The following RYR2 variants were observed in gnomAD, a reference collection of about 807,000 sequenced individuals.
The protein encoded by RYR2 is ryanodine receptor 2, also known as cardiac muscle ryanodine receptor-calcium release channel.
In RYR2, 227 loss-of-function variants were observed where a neutral mutation model predicts 601.1. The observed-to-expected ratio is 0.38, with a 90% CI of 0.34 to 0.42. RYR2 has a LOEUF of 0.42. RYR2 is among the 10% of genes least tolerant of loss of function. RYR2 has a pLI of 1.00. For missense variants in RYR2, 4,646 were observed against 6,156.5 expected (o/e 0.75, Z 8.21); for synonymous variants, 2,223 against 2,175.1 (o/e 1.02, Z -0.61).
intron 1 of RYR2, among the ~76,000 whole-genome samples, chr1:237,221,335 C>A (rs1283097121): frequency 6.6e-6 from 1 of 152,150 alleles, no homozygotes; most frequent in African/African-American, 2.4e-5. Flanking sequence ...AGACATCAAG[C>A]TGTTTAAAGG....
chr1:237,542,449 T>G (rs139846789), intron 25 of RYR2, among the ~76,000 whole-genome samples: 1 of 152,320 alleles, frequency 6.6e-6, no homozygotes, highest in East Asian at 1.9e-4. Context: ...CCCCTCTTAT[T>G]ACCAGGGCTG....
chr1:237,548,957 C>T lies in RYR2; in HGVS notation c.3066+367C>T, dbSNP rs1390785013. Reference sequence around the variant, plus strand: ...CCCTTATTCACAACCCCTGGGGCCACATAAATTTCAGAATTCAGTCTTTTT... The same window carrying T: ...CCCTTATTCACAACCCCTGGGGCCATATAAATTTCAGAATTCAGTCTTTTT... On this transcript the variant is annotated intron_variant, in intron 26 of 104. Coordinates refer to ENST00000366574, the MANE Select transcript of RYR2 (RefSeq NM_001035.3). Among the ~76,000 whole-genome samples the T allele has an allele frequency of 2.6e-5, 4 of 152,164 alleles. No homozygotes were observed. In the East Asian group the frequency reaches 7.7e-4, roughly 29 times the overall value.
chr1:237,341,905 G>A (rs952133606), intron 3 of RYR2, among the ~76,000 whole-genome samples: 2 of 152,162 alleles, frequency 1.3e-5, no homozygotes, highest in Non-Finnish European at 2.9e-5. Context: ...GCCTGACACA[G>A]TCCAGGTTAA....
intron 92 of RYR2, among the ~76,000 whole-genome samples, chr1:237,790,178 G>C (rs893035321): frequency 5.9e-5 from 9 of 152,060 alleles, no homozygotes; most frequent in African/African-American, 2.2e-4. Flanking sequence ...CACTTCTCTA[G>C]GCTTTATTTT....
At position 237,638,376 on chromosome 1, in the gene RYR2, G is replaced by T; in HGVS notation, c.6812G>T (p.Gly2271Val). The change falls in exon 45 of 105, where the codon GGT (glycine) becomes GTT (valine). Residue 2271 changes from glycine to valine, a missense_variant. Gly to Val is a moderately radical substitution (Grantham distance 109). Transcript: ENST00000366574. ...TTGCAGGTAGTTCGTTATTTGGCTG[G>T]TTGTGGACTGCAAAGTTGCCAGATG... is the stretch of plus-strand genomic sequence containing the variant. ...DLEKVVRYLAGCGLQSCQMLV... is the reference protein window; with the variant it reads ...DLEKVVRYLAVCGLQSCQMLV... 6.2e-7 allele frequency: 1 copy of T among 1,613,928 alleles called. No individual in the cohort carries two copies. The highest frequency in any genetic ancestry group is 1.1e-5 in the South Asian group (1 of 91,082).
At chr1:237,108,245 G>A (rs1187865113) in intron 1 of RYR2, among the ~76,000 whole-genome samples, 1 of 152,176 alleles carries the variant, frequency 6.6e-6, no homozygotes, top group Non-Finnish European at 1.5e-5. Context: ...GGGAATCTGG[G>A]TTGTGAGGCT....
intron 10 of RYR2, among the ~76,000 whole-genome samples, chr1:237,400,062 A>ACACT: frequency 6.6e-6 from 1 of 152,026 alleles, no homozygotes; most frequent in East Asian, 1.9e-4. Flanking sequence ...ACACACACAC[A>ACACT]AATGAATACA....
intron 1 of RYR2, among the ~76,000 whole-genome samples, chr1:237,050,783 G>T (rs1465109110): frequency 6.6e-6 from 1 of 152,220 alleles, no homozygotes; most frequent in African/African-American, 2.4e-5. Flanking sequence ...TTGGGATATT[G>T]TTAAAATGAA....
At chr1:237,203,120 GA>G (rs1439769540) in intron 1 of RYR2, among the ~76,000 whole-genome samples, 2 of 152,006 alleles carry the variant, frequency 1.3e-5, no homozygotes, top group Non-Finnish European at 2.9e-5. Flanking sequence ...AAGATTTCCA[GA>G]AGCTGTTGTG....
At chr1:237,193,661 G>A (rs1420905467) in intron 1 of RYR2, among the ~76,000 whole-genome samples, 1 of 152,154 alleles carries the variant, frequency 6.6e-6, no homozygotes, top group Non-Finnish European at 1.5e-5. Flanking sequence ...TTAAATTGCA[G>A]ATGTATTTGG....
chr1:237,233,792 T>C (rs1427119659), intron 1 of RYR2, among the ~76,000 whole-genome samples: 1 of 152,100 alleles, frequency 6.6e-6, no homozygotes, highest in Non-Finnish European at 1.5e-5. Flanking sequence ...GTAGCTGGGA[T>C]TACAGGCATG....
chr1:237,118,382 C>T (rs751712445), intron 1 of RYR2, among the ~76,000 whole-genome samples: 9 of 151,444 alleles, frequency 5.9e-5, no homozygotes, highest in South Asian at 4.2e-4. Context: ...AAGCAACTGC[C>T]GTTTTCATCA....
intron 2 of RYR2, among the ~76,000 whole-genome samples, chr1:237,314,584 T>C (rs1179986632): frequency 6.6e-6 from 1 of 152,200 alleles, no homozygotes; most frequent in Non-Finnish European, 1.5e-5. Flanking sequence ...CACATATCAA[T>C]TGAACATGAG....
chr1:237,783,210 C>CTTGTT (rs1285106945), intron 89 of RYR2, among the ~76,000 whole-genome samples: 4 of 152,154 alleles, frequency 2.6e-5, no homozygotes, highest in African/African-American at 9.7e-5. Context: ...TTAATTTAGT[C>CTTGTT]TTGTTGAACT....
intron 35 of RYR2, among the ~76,000 whole-genome samples, chr1:237,604,593 G>A (rs1404693405): frequency 2.0e-5 from 3 of 152,128 alleles, no homozygotes; most frequent in Non-Finnish European, 2.9e-5. Flanking sequence ...GAAGGAGATA[G>A]AGACACAAAA....
At chr1:237,748,132 G>A (rs550285818) in intron 80 of RYR2, among the ~76,000 whole-genome samples, 1 of 152,254 alleles carries the variant, frequency 6.6e-6, no homozygotes, top group South Asian at 2.1e-4. Context: ...TAAAATCCCA[G>A]GGAATGAAGA....
intron 99 of RYR2, among the ~76,000 whole-genome samples, chr1:237,808,664 A>AACAAAAT (rs1413207687): frequency 1.3e-5 from 2 of 150,578 alleles, no homozygotes; most frequent in African/African-American, 4.9e-5. Flanking sequence ...CAAAAAAAAA[A>AACAAAAT]AAAACAAAAT....
intron 82 of RYR2, among the ~76,000 whole-genome samples, chr1:237,758,569 ATGCATATGTGCATATACTTTG>A (rs1272718495): frequency 6.6e-6 from 1 of 152,104 alleles, no homozygotes; most frequent in African/African-American, 2.4e-5. Context: ...ATATATATAT[ATGCATATGTGCATATACTTTG>A]TGCATATGTA....
intron 1 of RYR2, among the ~76,000 whole-genome samples, chr1:237,208,538 GTCA>G (rs1405832445): frequency 1.3e-5 from 2 of 152,130 alleles, no homozygotes; most frequent in African/African-American, 4.8e-5. Context: ...TTTTCAAAAT[GTCA>G]TCATCTTAAA....
Sources: gnomAD v4.1 joint callset for allele counts (sites outside exome capture counted in the v4.1 genomes callset) on GRCh38, gnomAD v4.1.1 for gene constraint, MANE v1.5 for transcripts, NCBI Gene and HGNC (gene_info 2026-07-23, HGNC 2026-07-21) for gene names.